NWD1: variants seen among roughly 807,000 people sequenced by gnomAD.
NWD1 encodes the protein NACHT and WD repeat domain containing 1.
NWD1 carries 129 observed loss-of-function variants against 135.1 expected under a neutral mutation model. The observed-to-expected ratio is 0.96, with a 90% confidence interval of 0.83 to 1.11. The LOEUF is 1.11. NWD1 is among the 50% of genes least tolerant of loss of function. The pLI is 0.00. For synonymous variants in NWD1, 773 were observed against 786.0 expected, an observed-to-expected ratio of 0.98 and a Z score of 0.28; for missense variants, 1,740 against 1,851.3, an observed-to-expected ratio of 0.94 and a Z score of 1.10.
rs1167290246 is a variant in NWD1, at chr19:16,726,003, C to T, written c.-7+1540C>T. Among the ~76,000 whole-genome samples, 5 of 151,220 alleles carry T rather than the reference C, an allele frequency of 3.3e-5. No individual in the cohort carries two copies. The Admixed American group carries it at 3.3e-4, about 10-fold the overall frequency. On this transcript the variant is annotated intron_variant, in intron 2 of 18. Coordinates refer to ENST00000524140, the MANE Select transcript of NWD1 (RefSeq NM_001007525.5). ...TTTAGACAGAGTTTCATTCTTGTTG[C>T]CCAGGCTGGAGTGCAGTGGCACGAT... is the stretch of plus-strand genomic sequence containing the variant.
intron 10 of NWD1, 36 bp downstream of exon 10, chr19:16,765,228 C>T (rs760224202): frequency 3.5e-5 from 55 of 1,593,616 alleles, no homozygotes; most frequent in African/African-American, 2.5e-4. Context: ...GTGACCAGGA[C>T]GGGCACTGAC....
chr19:16,746,573 T>G (rs1968326044), intron 5 of NWD1, among the ~76,000 whole-genome samples: 1 of 151,918 alleles, frequency 6.6e-6, no homozygotes. Flanking sequence ...CTCGGGAGGC[T>G]GAGGCAGGAG....
intron 6 of NWD1, among the ~76,000 whole-genome samples, chr19:16,752,587 G>T (rs1008125679): frequency 2.0e-5 from 3 of 152,172 alleles, no homozygotes; most frequent in Admixed American, 6.6e-5. Flanking sequence ...ACTGCAGTAA[G>T]CCATAATTGT....
chr19:16,722,582 C>T lies in NWD1; in HGVS notation c.-104-1784C>T, dbSNP rs1023071551. ...GGGATTACAGATGTGAGCCACTGTG[C>T]CTGGCCGACCCTCACTCTTAAAAAA... On this transcript the variant is annotated intron_variant, in intron 1 of 18. Coordinates refer to ENST00000524140, the MANE Select transcript of NWD1 (RefSeq NM_001007525.5). Among the ~76,000 whole-genome samples, 66 of 151,958 alleles carry T rather than the reference C, an allele frequency of 4.3e-4. 1 individual carries two copies. Among genetic ancestry groups the T allele is most frequent in the African/African-American group, 1.5e-3 (62 of 41,460 alleles).
At chr19:16,730,612 G>A (rs552446677) in intron 2 of NWD1, among the ~76,000 whole-genome samples, 1 of 152,264 alleles carries the variant, frequency 6.6e-6, no homozygotes, top group South Asian at 2.1e-4. Flanking sequence ...AGCTACTCAG[G>A]AGGCTGAGGT....
chr19:16,732,316 CTTT>C (rs1967604894), intron 3 of NWD1, among the ~76,000 whole-genome samples: 1 of 151,452 alleles, frequency 6.6e-6, no homozygotes, highest in Non-Finnish European at 1.5e-5. Context: ...GGAGTGAATG[CTTT>C]TGAACACAGA....
intron 3 of NWD1, among the ~76,000 whole-genome samples, chr19:16,734,423 T>C (rs1333598483): frequency 2.0e-5 from 3 of 151,390 alleles, no homozygotes; most frequent in Admixed American, 1.3e-4. Context: ...TAGTCCCAGC[T>C]ACTCCGGAGG....
chr19:16,755,126 C>T (rs1258948189), intron 6 of NWD1, among the ~76,000 whole-genome samples: 2 of 152,026 alleles, frequency 1.3e-5, no homozygotes, highest in African/African-American at 4.8e-5. Flanking sequence ...TATTTCTATC[C>T]ATCTAGTCAT....
chr19:16,785,554 A>G (rs1325556369), intron 12 of NWD1, among the ~76,000 whole-genome samples: 3 of 150,024 alleles, frequency 2.0e-5, no homozygotes, highest in South Asian at 2.1e-4. Flanking sequence ...AACAAAATTT[A>G]AAAAATTAAC....
chr19:16,795,699 G>A (rs1970396559), intron 15 of NWD1, among the ~76,000 whole-genome samples: 1 of 152,088 alleles, frequency 6.6e-6, no homozygotes, highest in Non-Finnish European at 1.5e-5. Context: ...TTACAAATAT[G>A]AGCCACCACA....
intron 17 of NWD1, among the ~76,000 whole-genome samples, chr19:16,805,090 G>T (rs981394522): frequency 6.6e-6 from 1 of 150,466 alleles, no homozygotes; most frequent in Admixed American, 6.7e-5. Context: ...ATGGAGTCTC[G>T]CTCTGTCACC....
intron 18 of NWD1, among the ~76,000 whole-genome samples, chr19:16,813,306 G>T (rs1970980381): frequency 6.6e-6 from 1 of 152,114 alleles, no homozygotes; most frequent in Non-Finnish European, 1.5e-5. Flanking sequence ...TTCTCAATCT[G>T]TTTCCAGGTG....
intron 5 of NWD1, chr19:16,745,271 C>T (rs1219995880): frequency 1.8e-5 from 6 of 327,686 alleles, no homozygotes; most frequent in East Asian, 9.0e-5. Context: ...CAATTATCTC[C>T]CACCAGGTCC....
At chr19:16,773,397 A>T in intron 11 of NWD1, 74 bp downstream of exon 11, 1 of 1,346,076 alleles carries the variant, frequency 7.4e-7, no homozygotes, top group Non-Finnish European at 1.0e-6. Flanking sequence ...CAGGTGTTTG[A>T]GGTTGTCCTC....
chr19:16,780,884 C>T lies in NWD1; in HGVS notation c.2731+1419C>T, dbSNP rs935995381. ...ATGTTGCTGAGGCTGGTCTCAAGCT[C>T]CTGAGCTCAAGCAATCCTCTCGCCT... On this transcript the variant is annotated intron_variant, in intron 12 of 18. Transcript: ENST00000524140. Among the ~76,000 whole-genome samples the T allele has an allele frequency of 2.0e-5, 3 of 152,078 alleles. No individual in the cohort carries two copies. In the South Asian group the frequency reaches 6.2e-4, roughly 31 times the overall value.
rs747774584 is a variant in NWD1 at position 16,750,200 on chromosome 19, A to C, written c.1558A>C (p.Thr520Pro). 1 of 1,613,290 alleles carries C rather than the reference A, an allele frequency of 6.2e-7. No individual in the cohort carries two copies. Among genetic ancestry groups the C allele is most frequent in the South Asian group, 1.1e-5 (1 of 91,036 alleles). The change falls in exon 6 of 19, where the codon ACA (threonine) becomes CCA (proline). Residue 520 changes from threonine (T) to proline (P), a missense_variant. Physicochemically the swap from Thr to Pro is conservative, Grantham distance 38 (BLOSUM62 -1). Coordinates refer to ENST00000524140, the MANE Select transcript of NWD1 (RefSeq NM_001007525.5). ...AAGGAGGACGCTGAGCCCGGTGCAC[A>C]CAGATTTGCTCTGGGCCAGCCTCCC... Reference protein sequence around the residue: ...AARRTLSPVHTDLLWASLPEC... With the variant: ...AARRTLSPVHPDLLWASLPEC...
rs762670499 is a variant in NWD1 at position 16,750,309 on chromosome 19, C to A, written c.1667C>A (p.Ala556Asp). ...WASFTVPVPL[A>D]TTAEEATHQL... is the part of the protein sequence containing the mutation. ...TCTTTCACCGTGCCTGTCCCGCTGG[C>A]CACCACCGCAGAGGAAGCCACGCAC... The change falls in exon 6 of 19, where the codon GCC becomes GAC. Residue 556 changes from alanine to aspartate, a missense_variant. Coordinates refer to ENST00000524140, the MANE Select transcript of NWD1 (RefSeq NM_001007525.5). 4 of 1,613,560 alleles carry A rather than the reference C, an allele frequency of 2.5e-6. No individual in the cohort carries two copies. The highest frequency in any genetic ancestry group is 3.4e-6 in the Non-Finnish European group (4 of 1,179,964).
chr19:16,807,674 G>A lies in NWD1; in HGVS notation c.3825G>A (p.Val1275=), dbSNP rs117690411. 0.015 allele frequency: 23,566 copies of A among 1,610,142 alleles called. 258 individuals are homozygous for A. The highest frequency in any genetic ancestry group is 0.017 in the Non-Finnish European group (19,887 of 1,177,796). Residue 1275 remains valine, a synonymous_variant, in exon 18 of 19, where the codon GTG becomes GTA. Coordinates refer to ENST00000524140, the MANE Select transcript of NWD1 (RefSeq NM_001007525.5). ...EQRKLLFTGL[V]SGVVLVFPLN... ...GCAAGCTCCTATTTACGGGCCTCGT[G>A]TCGGGGGTCGTCCTTGTGTTCCCCC... is the stretch of plus-strand genomic sequence containing the variant.
intron 6 of NWD1, among the ~76,000 whole-genome samples, chr19:16,751,486 A>G (rs916478774): frequency 1.4e-5 from 2 of 144,654 alleles, no homozygotes; most frequent in African/African-American, 5.7e-5. Flanking sequence ...AAGAGAAAGG[A>G]AGGAAGGAAG....
Sources: gnomAD v4.1 joint callset for allele counts (sites outside exome capture counted in the v4.1 genomes callset) on GRCh38, gnomAD v4.1.1 for gene constraint, MANE v1.5 for transcripts, NCBI Gene and HGNC (gene_info 2026-07-23, HGNC 2026-07-21) for gene names.